The following MMAA variants were observed in gnomAD, a reference collection of about 807,000 sequenced individuals.
MMAA encodes the protein metabolism of cobalamin associated A, also known as methylmalonic aciduria type A protein, mitochondrial.
In MMAA, 41 loss-of-function variants were observed where a neutral mutation model predicts 45.0. The ratio of observed to expected loss-of-function variants is 0.91; its 90% confidence interval spans 0.71 to 1.18. MMAA has a LOEUF of 1.18. MMAA is among the 50% of genes most tolerant of loss of function. The pLI is 0.00. For missense variants in MMAA, 460 were observed against 495.7 expected (o/e 0.93, Z 0.68); for synonymous variants, 154 against 178.2 (o/e 0.86, Z 1.08).
intron 1 of MMAA, chr4:145,624,545 G>A (rs1734157775): frequency 1.7e-6 from 2 of 1,147,648 alleles, no homozygotes; most frequent in Non-Finnish European, 2.6e-6. Context: ...TTATGACTTG[G>A]AAGGAATCAG....
chr4:145,626,211 A>G (rs1167217352), intron 1 of MMAA, among the ~76,000 whole-genome samples: 1 of 152,228 alleles, frequency 6.6e-6, no homozygotes, highest in Non-Finnish European at 1.5e-5. Flanking sequence ...ATGAGCAGGT[A>G]GGAAATAATC....
chr4:145,646,287 T>C (rs1486474171), intron 4 of MMAA, 131 bp downstream of exon 4: 6 of 1,002,626 alleles, frequency 6.0e-6, no homozygotes, highest in Non-Finnish European at 7.5e-6. Flanking sequence ...TATCCCATAC[T>C]CCCTAGAAGA....
rs146380024 is a variant in MMAA, at chr4:145,627,713, A to G, written c.-66+8306A>G. Among the ~76,000 whole-genome samples the G allele has an allele frequency of 7.9e-4, 120 of 152,278 alleles. 1 individual carries two copies. The East Asian group carries it at 0.019, about 24-fold the overall frequency. On this transcript the variant is annotated intron_variant, in intron 1 of 6. Coordinates refer to ENST00000649156, the MANE Select transcript of MMAA (RefSeq NM_172250.3). Reference sequence around the variant, plus strand: ...GAAGATGTATCTCTGAGGAGGTGCTATTTGAACTGAGTAGGCATTTGTCAG... The same window carrying G: ...GAAGATGTATCTCTGAGGAGGTGCTGTTTGAACTGAGTAGGCATTTGTCAG...
intron 1 of MMAA, among the ~76,000 whole-genome samples, chr4:145,635,720 A>T (rs1440769790): frequency 6.6e-6 from 1 of 152,190 alleles, no homozygotes; most frequent in Non-Finnish European, 1.5e-5. Context: ...TCCCTATGGG[A>T]CAATAGGACT....
chr4:145,644,951 A>G (rs575722369), intron 3 of MMAA, among the ~76,000 whole-genome samples: 1 of 152,324 alleles, frequency 6.6e-6, no homozygotes, highest in East Asian at 1.9e-4. Flanking sequence ...GATTGCCCCC[A>G]GTTGAGAACC....
chr4:145,630,690 T>A (rs1734319250), intron 1 of MMAA, among the ~76,000 whole-genome samples: 1 of 152,128 alleles, frequency 6.6e-6, no homozygotes, highest in Non-Finnish European at 1.5e-5. Flanking sequence ...ATCGCACCAT[T>A]GCACTCCAGC....
chr4:145,657,730 A>G lies in MMAA; in HGVS notation c.*2296A>G, dbSNP rs1728273056. 6.6e-6 allele frequency: 1 copy of G among 152,228 alleles called. No homozygotes were observed. Among genetic ancestry groups the G allele is most frequent in the African/African-American group, 2.4e-5 (1 of 41,466 alleles). The allele number at this position is 152,228 out of a possible 1,614,324, so 9.4% of individuals were successfully genotyped here. A position where few individuals can be genotyped will look rare whatever the true frequency, so the allele number is the denominator to read the frequency against. On this transcript the variant is annotated 3_prime_UTR_variant, in exon 7 of 7. Transcript: ENST00000649156. ...ACTAATATTAATTTCAGATTGGCCA[A>G]GCTACTTAATTTCTCTGTGCCTCAG...
In MMAA at chr4:145,657,184, A is replaced by G. The variant is rs1342180236; in HGVS notation, c.*1750A>G. 1 of 152,220 alleles carries G rather than the reference A, an allele frequency of 6.6e-6. No individual in the cohort carries two copies. The highest frequency in any genetic ancestry group is 1.5e-5 in the Non-Finnish European group (1 of 68,036). The allele number at this position is 152,220 out of a possible 1,614,324, so 9.4% of individuals were successfully genotyped here. A position where few individuals can be genotyped will look rare whatever the true frequency, so the allele number is the denominator to read the frequency against. ...TTGTTAGCTTTAATTTTAAGGCTAA[A>G]AGCATTTCTTCTCAGTTTGAACTAC... is the stretch of plus-strand genomic sequence containing the variant. On this transcript the variant is annotated 3_prime_UTR_variant, in exon 7 of 7. Coordinates refer to ENST00000649156, the MANE Select transcript of MMAA (RefSeq NM_172250.3).
rs1474891464 is a variant in MMAA, at chr4:145,652,466, C to T, written c.819+1319C>T. On this transcript the variant is annotated intron_variant, in intron 5 of 6. Coordinates refer to ENST00000649156, the MANE Select transcript of MMAA (RefSeq NM_172250.3). ...GGTATAGGCCGGGCGCAGTGGCTCA[C>T]GCATGTAATCCCAGCACTTTGGGAG... 5.3e-5 allele frequency among the ~76,000 whole-genome samples: 8 copies of T among 152,020 alleles called. No individual in the cohort carries two copies. The South Asian group carries it at 1.5e-3, about 28-fold the overall frequency.
chr4:145,648,525 C>T (rs76173641), intron 4 of MMAA, among the ~76,000 whole-genome samples: 140 of 152,194 alleles, frequency 9.2e-4, no homozygotes, highest in African/African-American at 3.1e-3. Context: ...GAAACTCCAC[C>T]ATTAAAAAGT....
At position 145,639,568 on chromosome 4, in the gene MMAA, A is replaced by C; in HGVS notation, c.429A>C (p.Ala143=). The C allele has an allele frequency of 1.2e-6, 2 of 1,609,436 alleles. No homozygotes were observed. Among genetic ancestry groups the C allele is most frequent in the Non-Finnish European group, 1.7e-6 (2 of 1,177,302 alleles). ...AATCAAATAAAGGAAAACCACTAGC[A>C]TTTCGAGTAGGTCAGTCTTTTTTGT... is the stretch of plus-strand genomic sequence containing the variant. ...QEQSNKGKPL[A]FRVGLSGPPG... is the part of the protein sequence containing the mutation. The change falls in exon 2 of 7, where the codon GCA becomes GCC. Residue 143 remains alanine (A), a synonymous_variant. Coordinates refer to ENST00000649156, the MANE Select transcript of MMAA (RefSeq NM_172250.3).
chr4:145,635,459 T>C (rs1270901623), intron 1 of MMAA, among the ~76,000 whole-genome samples: 1 of 152,016 alleles, frequency 6.6e-6, no homozygotes, highest in East Asian at 1.9e-4. Context: ...AGAGGGGTGG[T>C]GTTGGGGATT....
chr4:145,642,597 G>A (rs1727818848), intron 3 of MMAA, 112 bp downstream of exon 3: 6 of 1,447,950 alleles, frequency 4.1e-6, no homozygotes, highest in Middle Eastern at 1.8e-4. Context: ...GTTTGGTCTC[G>A]CTAAAGGAAG....
intron 1 of MMAA, among the ~76,000 whole-genome samples, chr4:145,635,451 A>C (rs148760429): frequency 1.8e-4 from 28 of 152,162 alleles, no homozygotes; most frequent in African/African-American, 6.7e-4. Context: ...GGCATGGGAG[A>C]GGGGTGGTGT....
intron 2 of MMAA, among the ~76,000 whole-genome samples, chr4:145,641,997 G>A (rs1045204819): frequency 2.0e-5 from 3 of 152,170 alleles, no homozygotes; most frequent in Non-Finnish European, 4.4e-5. Context: ...ACTGAGGTAG[G>A]TAGAATAATT....
chr4:145,626,508 G>A lies in MMAA; in HGVS notation c.-66+7101G>A, dbSNP rs544564867. On this transcript the variant is annotated intron_variant, in intron 1 of 6. Coordinates refer to ENST00000649156, the MANE Select transcript of MMAA (RefSeq NM_172250.3). ...ATCTACTGATAAAAACTTAGCACTC[G>A]AAATAGAAACTAATTTTTCATTTTG... Among the ~76,000 whole-genome samples, 48 of 152,110 alleles carry A rather than the reference G, an allele frequency of 3.2e-4. No homozygotes were observed. In the South Asian group the frequency reaches 9.8e-3, roughly 31 times the overall value.
chr4:145,646,141 C>T lies in MMAA; in HGVS notation c.718C>T (p.Leu240Phe), dbSNP rs752844506. 5.0e-6 allele frequency: 8 copies of T among 1,613,916 alleles called. No individual in the cohort carries two copies. Among genetic ancestry groups the T allele is most frequent in the Non-Finnish European group, 5.9e-6 (7 of 1,179,936 alleles). The change falls in exon 4 of 7, where the codon CTT becomes TTT. Residue 240 changes from leucine (L) to phenylalanine (F), a missense_variant. Leu to Phe is a conservative substitution (Grantham distance 22). Transcript: ENST00000649156. Reference protein sequence around the residue: ...LCEGAGYDIILIETVGVGQSE... With the variant: ...LCEGAGYDIIFIETVGVGQSE... The stretch of plus-strand genomic sequence containing the variant: ...TGAAGGAGCGGGATATGACATAATT[C>T]TTATTGAAACCGTTGGTGAGTGTGA...
intron 1 of MMAA, among the ~76,000 whole-genome samples, chr4:145,631,180 A>AG (rs1441361617): frequency 6.6e-6 from 1 of 152,232 alleles, no homozygotes; most frequent in Non-Finnish European, 1.5e-5. Flanking sequence ...TCTGTAGTGC[A>AG]GATTAAGTCC....
intron 1 of MMAA, among the ~76,000 whole-genome samples, chr4:145,629,905 A>G (rs1271724968): frequency 6.6e-6 from 1 of 152,102 alleles, no homozygotes; most frequent in Non-Finnish European, 1.5e-5. Flanking sequence ...TGTGGGAATT[A>G]TGGGAGCTAC....
Sources: gnomAD v4.1 joint callset for allele counts (sites outside exome capture counted in the v4.1 genomes callset) on GRCh38, gnomAD v4.1.1 for gene constraint, MANE v1.5 for transcripts, NCBI Gene and HGNC (gene_info 2026-07-23, HGNC 2026-07-21) for gene names.